The following CACNB2 variants were observed in gnomAD, a reference collection of about 807,000 sequenced individuals.
The protein encoded by CACNB2 is voltage-dependent L-type calcium channel subunit beta-2.
In CACNB2, 42 loss-of-function variants were observed where a neutral mutation model predicts 73.3. The observed-to-expected ratio is 0.57, with a 90% CI of 0.45 to 0.74. The LOEUF is 0.74. Among genes scored for constraint, CACNB2 ranks in the 30% least tolerant of loss-of-function variants. The pLI is 0.00. For synonymous variants in CACNB2, 348 were observed against 310.3 expected, an observed-to-expected ratio of 1.12 and a Z score of -1.28; for missense variants, 940 against 853.0, an observed-to-expected ratio of 1.10 and a Z score of -1.27.
chr10:18,286,702 CTTAAGA>C (rs2038820218), intron 2 of CACNB2, among the ~76,000 whole-genome samples: 1 of 152,044 alleles, frequency 6.6e-6, no homozygotes, highest in African/African-American at 2.4e-5. Context: ...GGAAGATGGA[CTTAAGA>C]TTGTGATTGT....
chr10:18,268,843 A>C (rs1040272030), intron 2 of CACNB2, among the ~76,000 whole-genome samples: 4 of 152,206 alleles, frequency 2.6e-5, no homozygotes, highest in Admixed American at 1.3e-4. Context: ...TGCATTGAGC[A>C]AAAGTAATTC....
chr10:18,463,003 C>T (rs2047665985), intron 3 of CACNB2, among the ~76,000 whole-genome samples: 2 of 152,276 alleles, frequency 1.3e-5, no homozygotes, highest in South Asian at 4.2e-4. Context: ...ATGGTCCACC[C>T]AACTTGGCCT....
chr10:18,220,154 T>TATATAC (rs2035688988), intron 2 of CACNB2, among the ~76,000 whole-genome samples: 1 of 33,652 alleles, frequency 3.0e-5, no homozygotes, highest in Non-Finnish European at 6.5e-5. Context: ...TATATATATA[T>TATATAC]ACACACACAC....
At chr10:18,437,879 C>A (rs1006607674) in intron 3 of CACNB2, among the ~76,000 whole-genome samples, 1 of 151,634 alleles carries the variant, frequency 6.6e-6, no homozygotes, top group Admixed American at 6.6e-5. Flanking sequence ...GTAATCGAGG[C>A]AAATTGACAT....
At position 18,535,219 on chromosome 10, in the gene CACNB2, T is replaced by C. The variant is rs558168721; in HGVS notation, c.1207-882T>C. Among the ~76,000 whole-genome samples, 6 of 152,166 alleles carry C rather than the reference T, an allele frequency of 3.9e-5. No individual in the cohort carries two copies. In the South Asian group the frequency reaches 1.2e-3, roughly 32 times the overall value. ...TGGAGTAAGAAAATTGCACTGCAGG[T>C]TCAGATTCCACATAACAAATAGTCT... is the stretch of plus-strand genomic sequence containing the variant. On this transcript the variant is annotated intron_variant, in intron 11 of 13. Coordinates refer to ENST00000324631, the MANE Select transcript of CACNB2 (RefSeq NM_201596.3).
chr10:18,479,264 G>T (rs1016596595), intron 3 of CACNB2, among the ~76,000 whole-genome samples: 4 of 151,794 alleles, frequency 2.6e-5, no homozygotes, highest in Non-Finnish European at 5.9e-5. Context: ...TATCCTTCCT[G>T]ACACCCATTC....
At chr10:18,474,293 AG>A (rs1404720923) in intron 3 of CACNB2, among the ~76,000 whole-genome samples, 1 of 152,166 alleles carries the variant, frequency 6.6e-6, no homozygotes, top group Non-Finnish European at 1.5e-5. Flanking sequence ...GGGGACTCTC[AG>A]GGACAGTGGA....
intron 2 of CACNB2, among the ~76,000 whole-genome samples, chr10:18,344,648 A>G (rs1371014972): frequency 6.6e-6 from 1 of 152,168 alleles, no homozygotes; most frequent in African/African-American, 2.4e-5. Flanking sequence ...CTGGAATTAC[A>G]GGTGTGAAAA....
At chr10:18,527,893 T>C (rs2052636764) in intron 10 of CACNB2, among the ~76,000 whole-genome samples, 196 bp downstream of exon 10, 2 of 152,324 alleles carry the variant, frequency 1.3e-5, no homozygotes, top group African/African-American at 4.8e-5. Context: ...AGTTAAGAAT[T>C]CCACAGGCTG....
rs747480172 is a variant in CACNB2 at position 18,498,364 on chromosome 10, G to C, written c.343G>C (p.Val115Leu). 3 of 1,613,926 alleles carry C rather than the reference G, an allele frequency of 1.9e-6. No homozygotes were observed. Among genetic ancestry groups the C allele is most frequent in the Non-Finnish European group, 1.7e-6 (2 of 1,179,980 alleles). ...AQLEKAKTKP[V>L]AFAVRTNVSY... ...CCTTTTCCCACTTTAGACAAAGCCCGTTGCATTTGCGGTTCGGACAAATGT... is the reference window on the plus strand; with the variant it reads ...CCTTTTCCCACTTTAGACAAAGCCCCTTGCATTTGCGGTTCGGACAAATGT... The change falls in exon 4 of 14, where the codon GTT becomes CTT. Residue 115 changes from valine (V) to leucine (L), a missense_variant. Physicochemically the swap from Val to Leu is conservative, Grantham distance 32. Transcript: ENST00000324631.
intron 2 of CACNB2, among the ~76,000 whole-genome samples, chr10:18,292,318 T>A (rs948029438): frequency 2.0e-5 from 3 of 152,224 alleles, no homozygotes; most frequent in Non-Finnish European, 4.4e-5. Context: ...AACATTTCAG[T>A]AATAACAACG....
chr10:18,147,339 C>G (rs2031087606), intron 1 of CACNB2, among the ~76,000 whole-genome samples: 1 of 151,642 alleles, frequency 6.6e-6, no homozygotes, highest in Admixed American at 6.6e-5. Flanking sequence ...TTTCTGAAAT[C>G]TTAGCTTGAT....
chr10:18,457,746 T>C (rs4644567), intron 3 of CACNB2, among the ~76,000 whole-genome samples: 151,816 of 152,152 alleles, frequency 1, 75,740 homozygotes, highest in East Asian at 1. Context: ...CAAAATTAGT[T>C]GGGCATGGTG....
intron 2 of CACNB2, among the ~76,000 whole-genome samples, chr10:18,359,523 C>A (rs913468132): frequency 2.6e-5 from 4 of 152,172 alleles, no homozygotes; most frequent in African/African-American, 7.2e-5. Flanking sequence ...ATCCACCCAC[C>A]TTGGCCTCCC....
At chr10:18,187,127 T>G (rs2034189709) in intron 2 of CACNB2, among the ~76,000 whole-genome samples, 1 of 151,940 alleles carries the variant, frequency 6.6e-6, no homozygotes, top group Non-Finnish European at 1.5e-5. Context: ...AAGTGATGCT[T>G]GAGCTGAGAG....
chr10:18,273,026 T>G (rs1304271451), intron 2 of CACNB2, among the ~76,000 whole-genome samples: 3 of 152,184 alleles, frequency 2.0e-5, no homozygotes, highest in Non-Finnish European at 4.4e-5. Context: ...TCAATGTGAC[T>G]TCATTGTGCA....
At chr10:18,337,471 T>C (rs1227259447) in intron 2 of CACNB2, among the ~76,000 whole-genome samples, 1 of 152,222 alleles carries the variant, frequency 6.6e-6, no homozygotes, top group African/African-American at 2.4e-5. Context: ...TCATAAGCAT[T>C]TTAATGGCCA....
chr10:18,445,671 T>A (rs1274023136), intron 3 of CACNB2, among the ~76,000 whole-genome samples: 2 of 152,232 alleles, frequency 1.3e-5, no homozygotes, highest in African/African-American at 4.8e-5. Flanking sequence ...GCACAGTGAA[T>A]ACAGTGCTCT....
At chr10:18,440,320 A>G (rs1389261239) in intron 3 of CACNB2, among the ~76,000 whole-genome samples, 1 of 152,196 alleles carries the variant, frequency 6.6e-6, no homozygotes, top group Admixed American at 6.5e-5. Flanking sequence ...GAACATGTTC[A>G]GTCCATAGTA....
Sources: gnomAD v4.1 joint callset for allele counts (sites outside exome capture counted in the v4.1 genomes callset) on GRCh38, gnomAD v4.1.1 for gene constraint, MANE v1.5 for transcripts, NCBI Gene and HGNC (gene_info 2026-07-23, HGNC 2026-07-21) for gene names.